The following PLPP3 variants were observed in gnomAD, a reference collection of about 807,000 sequenced individuals.
PLPP3 encodes the protein PAP2 beta.
A neutral mutation model predicts 29.6 loss-of-function variants in PLPP3; 6 were observed. The ratio of observed to expected loss-of-function variants is 0.20; its 90% CI spans 0.11 to 0.40. The LOEUF is 0.40. Ranked by LOEUF, PLPP3 falls within the 10% of genes least tolerant of loss-of-function variation. PLPP3 has a pLI of 1.00. For missense variants in PLPP3, 308 were observed against 407.7 expected (o/e 0.76, Z 2.11); for synonymous variants, 152 against 159.7 (o/e 0.95, Z 0.36).
chr1:56,539,262 CAA>C (rs1184923717), intron 1 of PLPP3, among the ~76,000 whole-genome samples: 1 of 152,034 alleles, frequency 6.6e-6, no homozygotes, highest in African/African-American at 2.4e-5. Context: ...TCATGTTTTT[CAA>C]AAAGAATTAA....
intron 1 of PLPP3, among the ~76,000 whole-genome samples, chr1:56,568,612 T>TA (rs1646176938): frequency 6.6e-6 from 1 of 152,164 alleles, no homozygotes; most frequent in South Asian, 2.1e-4. Context: ...GTTCAGGAAG[T>TA]ACCTGTCATA....
chr1:56,536,840 C>T (rs757421287), intron 2 of PLPP3, 115 bp downstream of exon 2: 77 of 1,344,062 alleles, frequency 5.7e-5, no homozygotes, highest in Middle Eastern at 4.0e-4. Flanking sequence ...TAAATATAGG[C>T]CAGAGAAAGT....
intron 1 of PLPP3, chr1:56,538,630 TA>T: frequency 3.0e-6 from 1 of 338,886 alleles, no homozygotes; most frequent in Non-Finnish European, 5.6e-6. Context: ...TTACCATGGC[TA>T]AACTGGAAGA....
At chr1:56,525,368 C>A (rs11206835) in intron 2 of PLPP3, among the ~76,000 whole-genome samples, 26,143 of 152,164 alleles carry the variant, frequency 0.17, 2,516 homozygotes, top group Admixed American at 0.25. Context: ...CTGAGCCTGA[C>A]GATCCTTCTC....
intron 1 of PLPP3, among the ~76,000 whole-genome samples, chr1:56,576,878 T>C (rs886069223): frequency 3.9e-5 from 6 of 152,198 alleles, no homozygotes; most frequent in Middle Eastern, 3.2e-3. Context: ...GGTTTTTACA[T>C]CCCTGGCTAA....
chr1:56,555,462 A>AAAAAAAAAAAAAAAAAAAAAAAAAAAACC (rs1646070373), intron 1 of PLPP3, among the ~76,000 whole-genome samples: 2 of 115,224 alleles, frequency 1.7e-5, no homozygotes, highest in East Asian at 2.4e-4. Flanking sequence ...AAAAAAAAAC[A>AAAAAAAAAAAAAAAAAAAAAAAAAAAACC]AAAAACAAAC....
chr1:56,542,245 G>A (rs1198941881), intron 1 of PLPP3, among the ~76,000 whole-genome samples: 4 of 152,158 alleles, frequency 2.6e-5, no homozygotes. Flanking sequence ...TGGGGGTGGA[G>A]TGTAAAAAAA....
At chr1:56,561,806 G>A (rs1219957787) in intron 1 of PLPP3, among the ~76,000 whole-genome samples, 7 of 151,788 alleles carry the variant, frequency 4.6e-5, no homozygotes, top group Non-Finnish European at 8.8e-5. Context: ...AGGCCAAGGC[G>A]GGTGAATCAC....
At chr1:56,549,354 G>T (rs900205794) in intron 1 of PLPP3, among the ~76,000 whole-genome samples, 5 of 152,140 alleles carry the variant, frequency 3.3e-5, no homozygotes, top group African/African-American at 1.2e-4. Context: ...TCTGATATCA[G>T]TAAGACTGCA....
rs988811742 is a variant in PLPP3, at chr1:56,534,833, C to T, written c.297+2122G>A. On this transcript the variant is annotated intron_variant, in intron 2 of 5. Transcript: ENST00000371250. ...GGCTTCATTAGGAGCCCCCAATTCA[C>T]GTGTCTCCAGCTGAAATGCAACAGC... Among the ~76,000 whole-genome samples, 8 of 152,188 alleles carry T rather than the reference C, an allele frequency of 5.3e-5. No individual in the cohort carries two copies. The East Asian group carries it at 9.7e-4, about 18-fold the overall frequency.
chr1:56,550,050 G>C (rs1646027996), intron 1 of PLPP3, among the ~76,000 whole-genome samples: 1 of 152,080 alleles, frequency 6.6e-6, no homozygotes, highest in Non-Finnish European at 1.5e-5. Context: ...AGGGACGCTG[G>C]GTCCGGCTGA....
At chr1:56,565,651 C>T (rs546115209) in intron 1 of PLPP3, among the ~76,000 whole-genome samples, 5 of 152,212 alleles carry the variant, frequency 3.3e-5, no homozygotes, top group Admixed American at 1.3e-4. Context: ...GAACTCCTGA[C>T]CTCAGGTGAT....
chr1:56,538,397 C>T (rs541447192), intron 1 of PLPP3: 1 of 348,590 alleles, frequency 2.9e-6, no homozygotes, highest in Non-Finnish European at 5.7e-6. Flanking sequence ...GGGAAGACCA[C>T]CAAAAACACA....
chr1:56,550,742 C>T (rs1646032576), intron 1 of PLPP3, among the ~76,000 whole-genome samples: 1 of 147,626 alleles, frequency 6.8e-6, no homozygotes, highest in South Asian at 2.3e-4. Flanking sequence ...CCCACACATA[C>T]ACTTTTTTAA....
intron 5 of PLPP3, among the ~76,000 whole-genome samples, chr1:56,501,694 A>G (rs1052507139): frequency 1.3e-5 from 2 of 152,196 alleles, no homozygotes; most frequent in African/African-American, 4.8e-5. Context: ...CTTCAAGAGC[A>G]TGAGTACACA....
intron 1 of PLPP3, among the ~76,000 whole-genome samples, chr1:56,567,339 A>G (rs1646167290): frequency 6.6e-6 from 1 of 151,864 alleles, no homozygotes; most frequent in Non-Finnish European, 1.5e-5. Flanking sequence ...CCAAATCTTC[A>G]GGAAAATTCT....
At chr1:56,563,045 G>T (rs1487912439) in intron 1 of PLPP3, among the ~76,000 whole-genome samples, 1 of 152,224 alleles carries the variant, frequency 6.6e-6, no homozygotes, top group Non-Finnish European at 1.5e-5. Context: ...CACAGTGGAG[G>T]AAGAGCCCTT....
intron 5 of PLPP3, among the ~76,000 whole-genome samples, chr1:56,502,150 G>A (rs1248066342): frequency 2.0e-5 from 3 of 152,170 alleles, no homozygotes; most frequent in African/African-American, 7.2e-5. Flanking sequence ...AGGAATGGCT[G>A]AATCAGCAAA....
chr1:56,544,600 A>G (rs1645993127), intron 1 of PLPP3, among the ~76,000 whole-genome samples: 1 of 152,242 alleles, frequency 6.6e-6, no homozygotes, highest in Non-Finnish European at 1.5e-5. Context: ...ACAAAAGACC[A>G]AGGGTCAGAG....
Sources: gnomAD v4.1 joint callset for allele counts (sites outside exome capture counted in the v4.1 genomes callset) on GRCh38, gnomAD v4.1.1 for gene constraint, MANE v1.5 for transcripts, NCBI Gene and HGNC (gene_info 2026-07-23, HGNC 2026-07-21) for gene names.